Variants in OR56A3 observed in about 807,000 individuals in gnomAD.
OR56A3 encodes olfactory receptor 56A3.
A neutral mutation model predicts 17.5 loss-of-function variants in OR56A3; 23 were observed. That is an observed-to-expected ratio of 1.32 (90% CI 0.95 to 1.87). The LOEUF (loss-of-function observed/expected upper bound fraction) is 1.87. Among genes scored for constraint, OR56A3 ranks in the 40% most tolerant of loss-of-function variants. The pLI is 0.00. For missense variants in OR56A3, 366 were observed against 380.1 expected, an observed-to-expected ratio of 0.96 and a Z score of 0.31; for synonymous variants, 175 against 150.6, an observed-to-expected ratio of 1.16 and a Z score of -1.19.
the OR56A3 span, chr11:5,967,687 T>C: frequency 1.2e-6 from 2 of 1,613,716 alleles, no homozygotes; most frequent in Admixed American, 3.3e-5. Context: ...GGAGGAATTC[T>C]CTTCCTGGCC....
the OR56A3 span, chr11:6,000,983 AC>A: frequency 1.3e-5 from 2 of 152,274 alleles, no homozygotes; most frequent in Non-Finnish European, 2.9e-5. Flanking sequence ...CAATGCCTGG[AC>A]AAATGATGGA....
chr11:5,946,530 C>T (rs753560373), intron 2 of OR56A3, among the ~76,000 whole-genome samples: 13 of 152,170 alleles, frequency 8.5e-5, no homozygotes, highest in African/African-American at 2.7e-4. Flanking sequence ...AGGTGAACTT[C>T]GTCACCCTCA....
the OR56A3 span, chr11:6,021,276 T>C: frequency 6.6e-6 from 1 of 152,060 alleles, no homozygotes; most frequent in East Asian, 1.9e-4. Context: ...ATTTAAAAAA[T>C]GTATTGATCC....
the OR56A3 span, chr11:5,967,484 A>G: frequency 2.7e-6 from 3 of 1,118,782 alleles, no homozygotes; most frequent in Non-Finnish European, 3.8e-6. Flanking sequence ...TAAATTTTCT[A>G]TGCATCATAA....
At chr11:5,976,443 C>A in the OR56A3 span, among the ~76,000 whole-genome samples, 3 of 151,946 alleles carry the variant, frequency 2.0e-5, no homozygotes, top group Non-Finnish European at 4.4e-5. Context: ...ATTCACATAC[C>A]TTTTGTGTCC....
the OR56A3 span, chr11:5,994,956 C>T: frequency 1.1e-4 from 80 of 732,386 alleles, no homozygotes; most frequent in African/African-American, 1.2e-3. Context: ...GCCAGACCCC[C>T]GGCCATCCCT....
the OR56A3 span, among the ~76,000 whole-genome samples, chr11:5,956,807 A>G: frequency 6.6e-6 from 1 of 152,180 alleles, no homozygotes; most frequent in South Asian, 2.1e-4. Flanking sequence ...CTACCTGCCT[A>G]AGCCTACACA....
the OR56A3 span, among the ~76,000 whole-genome samples, chr11:5,960,508 G>C: frequency 6.6e-6 from 1 of 152,358 alleles, no homozygotes; most frequent in Admixed American, 6.5e-5. Flanking sequence ...TGGTCTGCCA[G>C]CCTCGGCCTC....
the OR56A3 span, among the ~76,000 whole-genome samples, chr11:6,008,253 T>C: frequency 6.6e-6 from 1 of 152,188 alleles, no homozygotes; most frequent in Non-Finnish European, 1.5e-5. Flanking sequence ...AAAATGTAGA[T>C]GGAATATAAT....
the OR56A3 span, among the ~76,000 whole-genome samples, chr11:6,015,040 T>G: frequency 4.5e-5 from 5 of 111,998 alleles, no homozygotes; most frequent in Admixed American, 5.0e-4. Context: ...AACTTATATC[T>G]AAAAGGGAAG....
the OR56A3 span, among the ~76,000 whole-genome samples, chr11:5,989,063 G>A: frequency 6.6e-6 from 1 of 152,178 alleles, no homozygotes; most frequent in Non-Finnish European, 1.5e-5. Context: ...TATAAAGTCT[G>A]AAATGCCACG....
chr11:5,948,645 T>C lies in OR56A3; in HGVS notation c.*351T>C, dbSNP rs1320207146. The C allele has an allele frequency of 4.5e-6, 1 of 221,588 alleles. No individual in the cohort carries two copies. Among genetic ancestry groups the C allele is most frequent in the East Asian group, 9.9e-5 (1 of 10,052 alleles). The allele number at this position is 221,588 out of a possible 1,614,324, so 13.7% of individuals were successfully genotyped here. A position where few individuals can be genotyped will look rare whatever the true frequency, so the allele number is the denominator to read the frequency against. On this transcript the variant is annotated 3_prime_UTR_variant, in exon 3 of 3. Coordinates refer to ENST00000641160, the MANE Select transcript of OR56A3 (RefSeq NM_001003443.3). ...TAAAAATACAACTGCGGTTATTTTG[T>C]TGTGTCTGTTATGTGTAATGTCCTT...
chr11:6,003,306 A>C, the OR56A3 span: 1 of 514,590 alleles, frequency 1.9e-6, no homozygotes. Flanking sequence ...TTGTAAGAAG[A>C]ATCTTCTACC....
chr11:5,960,750 C>G, the OR56A3 span, among the ~76,000 whole-genome samples: 2 of 151,712 alleles, frequency 1.3e-5, no homozygotes, highest in Non-Finnish European at 2.9e-5. Flanking sequence ...CCCCTCTGCC[C>G]GGCAGCCCAG....
chr11:6,012,409 C>A, the OR56A3 span, among the ~76,000 whole-genome samples: 1 of 152,156 alleles, frequency 6.6e-6, no homozygotes, highest in African/African-American at 2.4e-5. Context: ...GTCATCCCAG[C>A]AAGTGTTCAG....
chr11:5,961,381 G>A, the OR56A3 span, among the ~76,000 whole-genome samples: 1 of 152,224 alleles, frequency 6.6e-6, no homozygotes. Flanking sequence ...AGACATAGGA[G>A]ACTCCATTTT....
the OR56A3 span, among the ~76,000 whole-genome samples, chr11:5,964,020 T>C: frequency 6.6e-6 from 1 of 152,216 alleles, no homozygotes; most frequent in Non-Finnish European, 1.5e-5. Context: ...TTTTTCATTT[T>C]ATTCATTGTA....
At chr11:6,014,911 G>A in the OR56A3 span, among the ~76,000 whole-genome samples, 3 of 134,942 alleles carry the variant, frequency 2.2e-5, no homozygotes, top group South Asian at 2.5e-4. Flanking sequence ...TCTTGAGAGA[G>A]ATGACTTAGG....
At chr11:5,995,053 T>C in the OR56A3 span, 5 of 626,724 alleles carry the variant, frequency 8.0e-6, no homozygotes, top group Non-Finnish European at 1.4e-5. Flanking sequence ...GGCGCCTGCA[T>C]AGACGCTGGC....
Sources: allele counts gnomAD v4.1 joint callset (sites outside exome capture counted in the v4.1 genomes callset), GRCh38; gene constraint gnomAD v4.1.1; transcripts MANE v1.5; gene names NCBI Gene and HGNC (gene_info 2026-07-23, HGNC 2026-07-21).